The following DACH2 variants were observed in gnomAD, a reference collection of about 807,000 sequenced individuals.
DACH2 encodes dachshund family transcription factor 2.
Under a neutral mutation model 35.8 loss-of-function variants are expected in DACH2, and 17 were observed. The ratio of observed to expected loss-of-function variants is 0.48; its 90% CI spans 0.33 to 0.71. DACH2 has a LOEUF of 0.71. Among genes scored for constraint, DACH2 ranks in the 30% least tolerant of loss-of-function variants. The pLI is 0.02. For synonymous variants in DACH2, 195 were observed against 177.3 expected, an observed-to-expected ratio of 1.10 and a Z score of -0.79; for missense variants, 469 against 472.7, an observed-to-expected ratio of 0.99 and a Z score of 0.07.
chrX:86,527,728 G>A (rs1323615118), intron 3 of DACH2, among the ~76,000 whole-genome samples: 3 of 111,726 alleles, frequency 2.7e-5, no homozygotes, highest in Non-Finnish European at 5.7e-5. Flanking sequence ...GGAATTGCTG[G>A]GTTGTATGGT....
intron 2 of DACH2, among the ~76,000 whole-genome samples, chrX:86,379,534 C>T (rs1350723236): frequency 9.1e-6 from 1 of 110,117 alleles, no homozygotes; most frequent in Non-Finnish European, 1.9e-5. Context: ...AAGAAAACAC[C>T]CCACTGTTAA....
chrX:86,789,275 T>C (rs1417508853), intron 7 of DACH2, among the ~76,000 whole-genome samples: 2 of 112,124 alleles, frequency 1.8e-5, no homozygotes, highest in Non-Finnish European at 3.8e-5. Flanking sequence ...GAATCACCCT[T>C]GTCTCTGATG....
chrX:86,182,237 G>A (rs766746065), intron 1 of DACH2, among the ~76,000 whole-genome samples: 1 of 111,942 alleles, frequency 8.9e-6, no homozygotes, highest in South Asian at 3.7e-4. Flanking sequence ...TGCTTTTGGT[G>A]TTTTAGTCAT....
At chrX:86,600,850 C>T (rs1461225537) in intron 3 of DACH2, among the ~76,000 whole-genome samples, 1 of 111,206 alleles carries the variant, frequency 9.0e-6, no homozygotes, top group Non-Finnish European at 1.9e-5. Flanking sequence ...CACTTCCACT[C>T]CTGTGTGTGC....
chrX:86,297,330 G>A (rs758819658), intron 1 of DACH2, among the ~76,000 whole-genome samples: 7 of 110,943 alleles, frequency 6.3e-5, no homozygotes, highest in South Asian at 3.8e-4. Flanking sequence ...CACAGTGATA[G>A]CGAGTACTTT....
intron 1 of DACH2, among the ~76,000 whole-genome samples, chrX:86,202,575 G>A (rs1026253705): frequency 9.0e-6 from 1 of 110,719 alleles, no homozygotes; most frequent in Non-Finnish European, 1.9e-5. Context: ...AAATGCCTGG[G>A]GAACTAGCTT....
chrX:86,495,060 A>T (rs981126079), intron 2 of DACH2, among the ~76,000 whole-genome samples: 3 of 110,883 alleles, frequency 2.7e-5, no homozygotes, highest in Non-Finnish European at 5.7e-5. Context: ...TTATTTATTT[A>T]TTTTGGAGAC....
chrX:86,454,115 C>A (rs2037431928), intron 2 of DACH2, among the ~76,000 whole-genome samples: 1 of 111,639 alleles, frequency 9.0e-6, no homozygotes, highest in South Asian at 3.8e-4. Flanking sequence ...CCAATCTCTT[C>A]TGGCTTGTAG....
At position 86,631,962 on chromosome X, in the gene DACH2, AC is replaced by A. The variant is rs1271420095; in HGVS notation, c.641-19073del. Among the ~76,000 whole-genome samples the A allele has an allele frequency of 1.6e-4, 18 of 111,450 alleles. No homozygotes were observed. The East Asian group carries it at 4.8e-3, about 30-fold the overall frequency. Reference sequence around the variant, plus strand: ...AGAGCATGCATGAATGATTAAAAAAACAATTTCAGAAAACTATCTAGTACAA... The same window carrying A: ...AGAGCATGCATGAATGATTAAAAAAAAATTTCAGAAAACTATCTAGTACAA... On this transcript the variant is annotated intron_variant, in intron 3 of 11. Transcript: ENST00000373125.
intron 3 of DACH2, among the ~76,000 whole-genome samples, chrX:86,650,390 C>G (rs2040464791): frequency 9.0e-6 from 1 of 111,214 alleles, no homozygotes; most frequent in Non-Finnish European, 1.9e-5. Context: ...CTCCCCCTCC[C>G]TGCTAAGCTG....
intron 1 of DACH2, among the ~76,000 whole-genome samples, chrX:86,310,470 T>C (rs2034776520): frequency 9.0e-6 from 1 of 111,196 alleles, no homozygotes; most frequent in South Asian, 3.9e-4. Context: ...TTCAGACAGC[T>C]CTGCACGATA....
At chrX:86,595,764 A>G (rs1272835014) in intron 3 of DACH2, among the ~76,000 whole-genome samples, 2 of 108,671 alleles carry the variant, frequency 1.8e-5, no homozygotes, top group African/African-American at 3.3e-5. Flanking sequence ...ATATATAGTT[A>G]TATATAGTTT....
chrX:86,629,273 C>A (rs1262043241), intron 3 of DACH2, among the ~76,000 whole-genome samples: 1 of 111,253 alleles, frequency 9.0e-6, no homozygotes, highest in Non-Finnish European at 1.9e-5. Context: ...AATGCACACT[C>A]TCTCCTAGAG....
chrX:86,723,340 T>TG (rs1273668786), intron 6 of DACH2, among the ~76,000 whole-genome samples: 1 of 109,801 alleles, frequency 9.1e-6, no homozygotes, highest in Non-Finnish European at 1.9e-5. Flanking sequence ...GCTAATTTTT[T>TG]TTTTTTTGCT....
chrX:86,580,563 A>T (rs769804460), intron 3 of DACH2, among the ~76,000 whole-genome samples: 1 of 111,981 alleles, frequency 8.9e-6, no homozygotes, highest in African/African-American at 3.2e-5. Context: ...GATAGAGCTG[A>T]AAAACTCACA....
intron 1 of DACH2, among the ~76,000 whole-genome samples, chrX:86,333,663 A>G (rs1369142315): frequency 8.9e-6 from 1 of 112,132 alleles, no homozygotes; most frequent in Non-Finnish European, 1.9e-5. Flanking sequence ...TATTTGAGGG[A>G]AAGTAATGAG....
rs188679458 is a variant in DACH2, at chrX:86,431,698, T to C, written c.527+54836T>C. ...AACAGTGTAATTAGAATAATAACAG[T>C]GGCCATTTGTACAGTCTCTTAAAAT... On this transcript the variant is annotated intron_variant, in intron 2 of 11. Coordinates refer to ENST00000373125, the MANE Select transcript of DACH2 (RefSeq NM_053281.3). 2.7e-4 allele frequency among the ~76,000 whole-genome samples: 30 copies of C among 111,670 alleles called. No homozygotes were observed. The East Asian group carries it at 3.1e-3, about 12-fold the overall frequency.
intron 3 of DACH2, among the ~76,000 whole-genome samples, chrX:86,600,091 G>T (rs2148357787): frequency 8.9e-6 from 1 of 112,099 alleles, no homozygotes; most frequent in African/African-American, 3.2e-5. Context: ...GGAGGCCTGT[G>T]ATTTTTGTCA....
intron 2 of DACH2, among the ~76,000 whole-genome samples, chrX:86,439,657 C>T: frequency 9.0e-6 from 1 of 111,147 alleles, no homozygotes; most frequent in East Asian, 2.8e-4. Flanking sequence ...CTTTCTTCTG[C>T]TCAGTTTGGA....
Sources: allele counts gnomAD v4.1 joint callset (sites outside exome capture counted in the v4.1 genomes callset), GRCh38; gene constraint gnomAD v4.1.1; transcripts MANE v1.5; gene names NCBI Gene and HGNC (gene_info 2026-07-23, HGNC 2026-07-21).